Variants in CEMIP2 observed in about 807,000 individuals in gnomAD.
CEMIP2 encodes cell surface hyaluronidase CEMIP2.
CEMIP2 carries 79 observed loss-of-function variants against 146.9 expected under a neutral mutation model. The observed-to-expected ratio is 0.54, with a 90% CI of 0.45 to 0.65. CEMIP2 has a LOEUF of 0.65. Among genes scored for constraint, CEMIP2 ranks in the 30% least tolerant of loss-of-function variants. The pLI is 0.00. For synonymous variants in CEMIP2, 601 were observed against 606.3 expected (o/e 0.99, Z 0.13); for missense variants, 1,596 against 1,696.2 (o/e 0.94, Z 1.04).
At chr9:71,724,068 C>T (rs73477454) in intron 11 of CEMIP2, among the ~76,000 whole-genome samples, 1 of 152,086 alleles carries the variant, frequency 6.6e-6, no homozygotes, top group East Asian at 1.9e-4. Flanking sequence ...GAGGCCAAGG[C>T]AGTCAGTTCA....
intron 23 of CEMIP2, 145 bp downstream of exon 23, chr9:71,685,598 C>T (rs963421414): frequency 9.4e-6 from 8 of 854,064 alleles, no homozygotes; most frequent in African/African-American, 1.7e-5. Context: ...CTTCCTCTCA[C>T]ATTGTGCCCT....
intron 20 of CEMIP2, among the ~76,000 whole-genome samples, chr9:71,697,232 C>T (rs1481838344): frequency 6.6e-6 from 1 of 152,182 alleles, no homozygotes; most frequent in South Asian, 2.1e-4. Context: ...GAACCATTTC[C>T]CTTAGCCCAT....
chr9:71,692,016 G>A (rs1410569873), intron 21 of CEMIP2, among the ~76,000 whole-genome samples: 1 of 151,922 alleles, frequency 6.6e-6, no homozygotes, highest in African/African-American at 2.4e-5. Flanking sequence ...GGCTGAGGCT[G>A]GAGAATCTCT....
In CEMIP2 at chr9:71,704,761, T is replaced by G. The variant is rs17057133; in HGVS notation, c.3028A>C (p.Ile1010Leu). 3 of 1,614,116 alleles carry G rather than the reference T, an allele frequency of 1.9e-6. No homozygotes were observed. The East Asian group carries it at 6.7e-5, about 36-fold the overall frequency. ...TTGGACGGATACTCATCTCGTGTAATGGTCATAGAAAGATTCTGAGTGCTC... is the reference window on the plus strand; with the variant it reads ...TTGGACGGATACTCATCTCGTGTAAGGGTCATAGAAAGATTCTGAGTGCTC... ...TWSTQNLSMTITRDEYPSNPM... is the reference protein window; with the variant it reads ...TWSTQNLSMTLTRDEYPSNPM... The change falls in exon 18 of 24, where the codon ATT (isoleucine) becomes CTT (leucine). Residue 1010 changes from isoleucine (I) to leucine (L), a missense_variant. Physicochemically the swap from Ile to Leu is conservative, Grantham distance 5. Transcript: ENST00000377044.
rs368667306 is a variant in CEMIP2 at position 71,744,946 on chromosome 9, CT to C, written c.1034+71del. On this transcript the variant is annotated intron_variant, in intron 4 of 23. Transcript: ENST00000377044. ...CTGAGTCATGCTGTGGCTGTGGCTC[CT>C]TTCCCCACCCTCACTCTCCTCTCAC... 6 of 1,504,250 alleles carry C rather than the reference CT, an allele frequency of 4.0e-6. No individual in the cohort carries two copies. In the African/African-American group the frequency reaches 7.0e-5, roughly 17 times the overall value. 93.2% of individuals were successfully genotyped at this position (1,504,250 alleles called of 1,614,324 possible).
intron 21 of CEMIP2, among the ~76,000 whole-genome samples, chr9:71,693,119 G>A (rs1214825689): frequency 6.6e-6 from 1 of 152,168 alleles, no homozygotes; most frequent in South Asian, 2.1e-4. Context: ...TGTACTTTAT[G>A]ACAATAAAAA....
At chr9:71,694,695 C>A (rs1324485657) in intron 20 of CEMIP2, 88 bp from the exon 21 acceptor site, 7 of 819,048 alleles carry the variant, frequency 8.5e-6, no homozygotes, top group Non-Finnish European at 2.0e-6. Context: ...TAATTAAAGC[C>A]AGTGGTTGTA....
At chr9:71,722,685 T>G (rs748702234) in intron 11 of CEMIP2, among the ~76,000 whole-genome samples, 170 bp from the exon 12 acceptor site, 12 of 150,898 alleles carry the variant, frequency 8.0e-5, no homozygotes, top group Non-Finnish European at 1.2e-4. Flanking sequence ...CTTTCCTGGA[T>G]ATTTTCTACT....
In CEMIP2 at chr9:71,701,096, T is replaced by C. The variant is rs188334617; in HGVS notation, c.3195-272A>G. Among the ~76,000 whole-genome samples, 95 of 152,156 alleles carry C rather than the reference T, an allele frequency of 6.2e-4. No individual in the cohort carries two copies. The East Asian group carries it at 0.013, about 21-fold the overall frequency. Reference sequence around the variant, plus strand: ...ATATGAGCCTTTACAATTTTTTTTGTTTTTGTTTTTTTGTTGTTGTTGTTT... The same window carrying C: ...ATATGAGCCTTTACAATTTTTTTTGCTTTTGTTTTTTTGTTGTTGTTGTTT... On this transcript the variant is annotated intron_variant, in intron 18 of 23. Transcript: ENST00000377044.
At chr9:71,724,941 A>G (rs1823338421) in intron 11 of CEMIP2, among the ~76,000 whole-genome samples, 1 of 152,174 alleles carries the variant, frequency 6.6e-6, no homozygotes, top group Non-Finnish European at 1.5e-5. Flanking sequence ...GGAAGAGGTG[A>G]GAAGAAACAA....
At chr9:71,696,995 T>C (rs1217114950) in intron 20 of CEMIP2, among the ~76,000 whole-genome samples, 1 of 152,182 alleles carries the variant, frequency 6.6e-6, no homozygotes, top group Non-Finnish European at 1.5e-5. Context: ...TCCATATTAA[T>C]AGGCAGTATG....
At chr9:71,726,254 G>C (rs559233682) in intron 10 of CEMIP2, among the ~76,000 whole-genome samples, 21 of 152,048 alleles carry the variant, frequency 1.4e-4, no homozygotes, top group Non-Finnish European at 3.1e-4. Flanking sequence ...TCTCAGGCTG[G>C]GCCCTGTCTG....
At chr9:71,769,010 G>C (rs1316192136), upstream of CEMIP2, 2 of 152,170 alleles carry the variant, frequency 1.3e-5, no homozygotes, top group Non-Finnish European at 2.9e-5. Flanking sequence ...CCCGCTCCCC[G>C]CGAGCTGCGA....
At chr9:71,725,810 C>T in intron 10 of CEMIP2, 101 bp from the exon 11 acceptor site, 1 of 1,357,242 alleles carries the variant, frequency 7.4e-7, no homozygotes. Context: ...TAATCTTTTT[C>T]ACCCAAATTT....
At chr9:71,721,233 T>C (rs769331455) in intron 12 of CEMIP2, among the ~76,000 whole-genome samples, 1 of 152,162 alleles carries the variant, frequency 6.6e-6, no homozygotes, top group Non-Finnish European at 1.5e-5. Flanking sequence ...TAATAAACTC[T>C]TCAAAGCTAA....
At chr9:71,698,265 C>T in intron 19 of CEMIP2, 61 bp from the exon 20 acceptor site, 1 of 1,437,372 alleles carries the variant, frequency 7.0e-7, no homozygotes, top group Admixed American at 1.8e-5. Context: ...TACAAAATTC[C>T]TCAAATCAGC....
rs749165523 is a variant in CEMIP2 at position 71,717,921 on chromosome 9, TATA to T, written c.2399+24_2399+26del. On this transcript the variant is annotated intron_variant, in intron 13 of 23. Coordinates refer to ENST00000377044, the MANE Select transcript of CEMIP2 (RefSeq NM_013390.3). Reference sequence around the variant, plus strand: ...GAAAAATAATACATCAGTGTCATCATATAATAACTTGGTAGAGAATACCCACGC... The same window carrying T: ...GAAAAATAATACATCAGTGTCATCATATAACTTGGTAGAGAATACCCACGC... 2.5e-6 allele frequency: 4 copies of T among 1,590,070 alleles called. 1 individual carries two copies. The Middle Eastern group carries it at 7.9e-4, about 315-fold the overall frequency.
chr9:71,730,781 G>A lies in CEMIP2; in HGVS notation c.1697C>T (p.Ala566Val). 6.2e-7 allele frequency: 1 copy of A among 1,614,184 alleles called. No individual in the cohort carries two copies. Among genetic ancestry groups the A allele is most frequent in the African/African-American group, 1.3e-5 (1 of 75,032 alleles). The change falls in exon 8 of 24, where the codon GCA becomes GTA. Residue 566 changes from alanine to valine, a missense_variant. Ala to Val is a moderately conservative substitution (Grantham distance 64). Coordinates refer to ENST00000377044, the MANE Select transcript of CEMIP2 (RefSeq NM_013390.3). ...DVDYKGGYRHATFVDGLSIHH... is the reference protein window; with the variant it reads ...DVDYKGGYRHVTFVDGLSIHH... ...AATAGACAGGCCGTCCACAAATGTT[G>A]CATGTCTGTATCCTCCTTTATAATC...
At chr9:71,716,400 G>C in intron 14 of CEMIP2, 117 bp downstream of exon 14, 1 of 835,480 alleles carries the variant, frequency 1.2e-6, no homozygotes, top group Non-Finnish European at 1.9e-6. Flanking sequence ...GGAAGAGGTT[G>C]CTAATTTTTT....
Sources: allele counts gnomAD v4.1 joint callset (sites outside exome capture counted in the v4.1 genomes callset), GRCh38; gene constraint gnomAD v4.1.1; transcripts MANE v1.5; gene names NCBI Gene and HGNC (gene_info 2026-07-23, HGNC 2026-07-21).